STPG2: variants seen among roughly 807,000 people sequenced by gnomAD.
STPG2 encodes the protein sperm tail PG-rich repeat containing 2.
A neutral mutation model predicts 54.2 loss-of-function variants in STPG2; 56 were observed. That is an observed-to-expected ratio of 1.03 (90% CI 0.83 to 1.29). The LOEUF is 1.29. STPG2 is among the 50% of genes most tolerant of loss of function. The pLI is 0.00. For missense variants in STPG2, 596 were observed against 544.9 expected (o/e 1.09, Z -0.93); for synonymous variants, 200 against 181.8 (o/e 1.10, Z -0.81).
Position 97,994,386 on chromosome 4 carries a change from C to T in STPG2, c.613-13068G>A, listed in dbSNP as rs139632850. On this transcript the variant is annotated intron_variant, in intron 5 of 10. Transcript: ENST00000295268. The stretch of plus-strand genomic sequence containing the variant: ...TGTTGAGACTTTTTTTGTGGCCTAT[C>T]ATATGGCCTACCTTGGAGAATGTTT... 2.0e-3 allele frequency among the ~76,000 whole-genome samples: 298 copies of T among 152,248 alleles called. 1 individual carries two copies. Among genetic ancestry groups the T allele is most frequent in the African/African-American group, 6.7e-3 (278 of 41,540 alleles).
At chr4:97,706,887 AAAG>A (rs1414681838) in intron 10 of STPG2, among the ~76,000 whole-genome samples, 1 of 152,204 alleles carries the variant, frequency 6.6e-6, no homozygotes, top group African/African-American at 2.4e-5. Flanking sequence ...GTAGCTTTTT[AAAG>A]AAGAAAATAT....
At chr4:97,803,394 A>C (rs1727454841) in intron 9 of STPG2, among the ~76,000 whole-genome samples, 2 of 152,228 alleles carry the variant, frequency 1.3e-5, no homozygotes, top group South Asian at 2.1e-4. Context: ...CTTGACCAAA[A>C]AATTTAAAAA....
At chr4:97,895,802 A>G (rs539008371) in intron 8 of STPG2, among the ~76,000 whole-genome samples, 76 of 151,882 alleles carry the variant, frequency 5.0e-4, no homozygotes, top group Admixed American at 1.4e-3. Context: ...AATGGCTCTC[A>G]ATCCTGTCTG....
chr4:97,813,113 C>T (rs1727794908), intron 9 of STPG2, among the ~76,000 whole-genome samples: 1 of 152,104 alleles, frequency 6.6e-6, no homozygotes, highest in Non-Finnish European at 1.5e-5. Flanking sequence ...AAACTATCAT[C>T]CTATCTTTTC....
chr4:98,058,860 C>T (rs1234300094), intron 5 of STPG2, among the ~76,000 whole-genome samples: 1 of 151,422 alleles, frequency 6.6e-6, no homozygotes, highest in Admixed American at 6.6e-5. Flanking sequence ...AAAATCATAC[C>T]AATAGCACTA....
intron 7 of STPG2, among the ~76,000 whole-genome samples, chr4:97,970,712 A>C (rs899065271): frequency 6.6e-6 from 1 of 152,242 alleles, no homozygotes; most frequent in Non-Finnish European, 1.5e-5. Flanking sequence ...AATCCCTAGA[A>C]GAAAACCTAG....
intron 10 of STPG2, among the ~76,000 whole-genome samples, chr4:97,649,836 G>A (rs186437478): frequency 8.5e-4 from 129 of 152,142 alleles, no homozygotes; most frequent in African/African-American, 2.9e-3. Context: ...GGACGGCATG[G>A]TTTCAGGATG....
chr4:97,617,475 T>C (rs1228495030), intron 10 of STPG2, among the ~76,000 whole-genome samples: 1 of 152,186 alleles, frequency 6.6e-6, no homozygotes, highest in Non-Finnish European at 1.5e-5. Context: ...ACAGGAACTT[T>C]CCCACTTTTC....
At chr4:97,536,104 C>A (rs1396275456) in intron 4 of STPG2, among the ~76,000 whole-genome samples, 4 of 152,184 alleles carry the variant, frequency 2.6e-5, no homozygotes, top group Non-Finnish European at 2.9e-5. Context: ...GACTGCCCAG[C>A]AACTGAGATT....
chr4:97,873,836 T>A (rs990179805), intron 8 of STPG2, among the ~76,000 whole-genome samples: 3 of 151,634 alleles, frequency 2.0e-5, no homozygotes, highest in Admixed American at 1.3e-4. Flanking sequence ...ATTAAATACA[T>A]GGAGCTATTC....
chr4:98,129,006 T>A (rs1394157115), intron 2 of STPG2, among the ~76,000 whole-genome samples: 1 of 152,166 alleles, frequency 6.6e-6, no homozygotes, highest in Non-Finnish European at 1.5e-5. Context: ...AGTGCTGGGA[T>A]TACAGGCATG....
At chr4:97,652,414 TCTC>T (rs942912226) in intron 10 of STPG2, among the ~76,000 whole-genome samples, 53 of 151,868 alleles carry the variant, frequency 3.5e-4, no homozygotes, top group Middle Eastern at 3.4e-3. Flanking sequence ...CATTGAGTGC[TCTC>T]CTCAAGATTC....
At chr4:97,572,770 C>G (rs1165384839) in intron 10 of STPG2, 1 of 151,950 alleles carries the variant, frequency 6.6e-6, no homozygotes, top group Non-Finnish European at 1.5e-5. Flanking sequence ...AAACAGAATC[C>G]CAATTTCCAT....
intron 9 of STPG2, among the ~76,000 whole-genome samples, chr4:97,717,747 G>T (rs1724335767): frequency 6.6e-6 from 1 of 152,116 alleles, no homozygotes; most frequent in Non-Finnish European, 1.5e-5. Flanking sequence ...CAGTTTCTGT[G>T]TGAATTACAG....
At chr4:98,067,428 A>G (rs990407048) in intron 5 of STPG2, among the ~76,000 whole-genome samples, 4 of 152,192 alleles carry the variant, frequency 2.6e-5, no homozygotes, top group African/African-American at 7.2e-5. Flanking sequence ...GCTATTAAAG[A>G]TAAGTATTTA....
At position 98,143,353 on chromosome 4, in the gene STPG2, T is replaced by C; in HGVS notation, c.-203A>G. The C allele has an allele frequency of 1.8e-6, 1 of 566,026 alleles. No individual in the cohort carries two copies. Among genetic ancestry groups the C allele is most frequent in the Non-Finnish European group, 3.2e-6 (1 of 315,112 alleles). 35.1% of individuals were successfully genotyped at this position (566,026 alleles called of 1,614,324 possible). ...ATTTCCTCAAATCGATTTCTAGCTCTGTGGTAAAGTAGAGGGGTGAGCGAC... is the reference window on the plus strand; with the variant it reads ...ATTTCCTCAAATCGATTTCTAGCTCCGTGGTAAAGTAGAGGGGTGAGCGAC... On this transcript the variant is annotated 5_prime_UTR_variant, in exon 1 of 11. Transcript: ENST00000295268.
At chr4:97,926,992 A>G (rs2149215335) in intron 8 of STPG2, among the ~76,000 whole-genome samples, 1 of 152,208 alleles carries the variant, frequency 6.6e-6, no homozygotes, top group African/African-American at 2.4e-5. Flanking sequence ...ACGTCTTGTT[A>G]TCCTTACTTA....
At chr4:97,599,740 C>T (rs1163503123) in intron 10 of STPG2, among the ~76,000 whole-genome samples, 1 of 149,752 alleles carries the variant, frequency 6.7e-6, no homozygotes, top group African/African-American at 2.5e-5. Context: ...AGGAGAATGG[C>T]GTGAACCTCG....
At chr4:97,540,983 G>A (rs1266379452) in intron 4 of STPG2, among the ~76,000 whole-genome samples, 1 of 152,086 alleles carries the variant, frequency 6.6e-6, no homozygotes, top group Non-Finnish European at 1.5e-5. Flanking sequence ...AATAATAAGA[G>A]GTATTTATGA....
Sources: allele counts gnomAD v4.1 joint callset (sites outside exome capture counted in the v4.1 genomes callset), GRCh38; gene constraint gnomAD v4.1.1; transcripts MANE v1.5; gene names NCBI Gene and HGNC (gene_info 2026-07-23, HGNC 2026-07-21).